MASP2: variants seen among roughly 807,000 people sequenced by gnomAD.
MASP2 encodes mannan-binding lectin serine protease 2.
In MASP2, 49 loss-of-function variants were observed where a neutral mutation model predicts 57.1. That is an observed-to-expected ratio of 0.86 (90% CI 0.68 to 1.09). The LOEUF is 1.09. Ranked by LOEUF, MASP2 falls within the 50% of genes least tolerant of loss-of-function variation. The probability of loss-of-function intolerance (pLI) is 0.00; values close to 1 mark genes in which losing one functional copy is unlikely to be tolerated. For synonymous variants in MASP2, 379 were observed against 340.8 expected (o/e 1.11, Z -1.24); for missense variants, 900 against 874.8 (o/e 1.03, Z -0.36).
intron 8 of MASP2, among the ~76,000 whole-genome samples, chr1:11,031,437 G>A (rs1643843540): frequency 6.7e-6 from 1 of 149,512 alleles, no homozygotes; most frequent in African/African-American, 2.5e-5. Context: ...GCTGAGGCAG[G>A]AGAATGGCAT....
intron 5 of MASP2, 109 bp from the exon 6 acceptor site, chr1:11,043,131 C>T: frequency 7.9e-7 from 1 of 1,271,540 alleles, no homozygotes; most frequent in South Asian, 1.4e-5. Context: ...TGAGGCCAAC[C>T]CAGGCCATGG....
chr1:11,043,101 A>G (rs975375048), intron 5 of MASP2, 79 bp from the exon 6 acceptor site: 6 of 1,500,736 alleles, frequency 4.0e-6, no homozygotes, highest in African/African-American at 2.8e-5. Context: ...CCACCTCCTC[A>G]GCATTTCAGG....
At position 11,027,524 on chromosome 1, in the gene MASP2, A is replaced by C. The variant is rs200629024; in HGVS notation, c.1422T>G (p.Tyr474Ter). Residue 474 changes from tyrosine (Y) to a stop codon, truncating the protein, a stop_gained, in exon 11 of 11, where the codon TAT becomes TAG. Coordinates refer to ENST00000400897, the MANE Select transcript of MASP2 (RefSeq NM_006610.4). LOFTEE classifies it low-confidence loss of function (END_TRUNC). Reference sequence around the variant, plus strand: ...GAGCAGCTGTTAGGACCCAGTTGTCATATAAAAGTGCACCTGCTGCTGTGG... The same window carrying C: ...GAGCAGCTGTTAGGACCCAGTTGTCCTATAAAAGTGCACCTGCTGCTGTGG... The part of the protein sequence containing the change: ...GGTTAAGALL[Y>*]DNWVLTAAHA... 1.9e-6 allele frequency: 3 copies of C among 1,614,182 alleles called. No individual in the cohort carries two copies. Among genetic ancestry groups the C allele is most frequent in the South Asian group, 2.2e-5 (2 of 91,082 alleles).
rs1638412788 is a variant in MASP2, at chr1:11,041,092, TAGAA to T, written c.889+1779_889+1782del. 3.9e-5 allele frequency among the ~76,000 whole-genome samples: 5 copies of T among 129,712 alleles called. No homozygotes were observed. The South Asian group carries it at 7.7e-4, about 20-fold the overall frequency. The allele number at this position is 129,712 out of a possible 152,430, so 85.1% of individuals were successfully genotyped here. ...AAGGATGGGTGGGTAGGTGGATGGA[TAGAA>T]GGATGGATAGATGGATGGATGGATG... On this transcript the variant is annotated intron_variant, in intron 6 of 10. Transcript: ENST00000400897.
intron 6 of MASP2, among the ~76,000 whole-genome samples, chr1:11,041,324 G>A (rs1279626473): frequency 6.6e-6 from 1 of 150,660 alleles, no homozygotes; most frequent in Non-Finnish European, 1.5e-5. Context: ...TGGAAGGATG[G>A]GTAGGTAGAA....
intron 9 of MASP2, 112 bp from the exon 10 acceptor site, chr1:11,030,362 G>A: frequency 5.6e-6 from 4 of 714,226 alleles, no homozygotes; most frequent in South Asian, 3.4e-5. Context: ...GGGACATAGA[G>A]GTGTCTGAAG....
intron 10 of MASP2, 167 bp downstream of exon 10, chr1:11,030,009 A>T (rs1430826622): frequency 3.6e-6 from 2 of 560,718 alleles, no homozygotes; most frequent in Non-Finnish European, 6.3e-6. Context: ...CAACCTCTGT[A>T]TATGGGAAGG....
At chr1:11,045,314 G>A (rs748618638) in intron 4 of MASP2, 94 bp downstream of exon 4, 5 of 1,582,284 alleles carry the variant, frequency 3.2e-6, no homozygotes, top group Non-Finnish European at 4.3e-6. Context: ...CCAGGGCCCA[G>A]GCCCTCCGCA....
At chr1:11,030,692 C>T in intron 9 of MASP2, 56 bp downstream of exon 9, 1 of 1,529,044 alleles carries the variant, frequency 6.5e-7, no homozygotes, top group Non-Finnish European at 8.8e-7. Context: ...ATTTTCAGAC[C>T]ATGGGGGCTC....
intron 10 of MASP2, among the ~76,000 whole-genome samples, chr1:11,029,467 A>G (rs1440217035): frequency 6.6e-6 from 1 of 151,816 alleles, no homozygotes; most frequent in Non-Finnish European, 1.5e-5. Context: ...AAAAAAAAGT[A>G]CTATTAAAAG....
chr1:11,043,482 C>T lies in MASP2; in HGVS notation c.598G>A (p.Glu200Lys), dbSNP rs1459794149. 2 of 1,608,982 alleles carry T rather than the reference C, an allele frequency of 1.2e-6. No homozygotes were observed. Among genetic ancestry groups the T allele is most frequent in the Non-Finnish European group, 1.7e-6 (2 of 1,178,386 alleles). The change falls in exon 5 of 11, where the codon GAA becomes AAA. Residue 200 changes from glutamate (E) to lysine (K), a missense_variant. Glu to Lys is a moderately conservative substitution (Grantham distance 56, BLOSUM62 1). Transcript: ENST00000400897. ...AGTTTGGGATACGGCCGTGGGTATT[C>T]AGGGCTGCTGAGCTCCCCAGACCTC... ...TQRSGELSSP[E>K]YPRPYPKLSS...
rs1315766973 is a variant in MASP2, at chr1:11,042,881, T to C, written c.883A>G (p.Ser295Gly). The C allele has an allele frequency of 1.2e-6, 2 of 1,613,902 alleles. No homozygotes were observed. The highest frequency in any genetic ancestry group is 1.3e-5 in the African/African-American group (1 of 75,048). ...CTGAGACCCACTTGCTCACCTGTGC[T>C]CGTGTAGTGGATCTTCCAGCCTGTG... ...DHTGWKIHYT[S>G]TAQPCPYPMA... Residue 295 changes from serine to glycine, a missense_variant, in exon 6 of 11, where the codon AGC becomes GGC. By Grantham distance (56) the Ser-to-Gly change is moderately conservative. Coordinates refer to ENST00000400897, the MANE Select transcript of MASP2 (RefSeq NM_006610.4).
chr1:11,030,106 C>G, intron 10 of MASP2, 70 bp downstream of exon 10: 2 of 1,122,972 alleles, frequency 1.8e-6, no homozygotes, highest in Non-Finnish European at 2.7e-6. Flanking sequence ...AGCTAAAGCT[C>G]TCCTCACTGT....
intron 6 of MASP2, among the ~76,000 whole-genome samples, chr1:11,041,374 A>AGATAGATG (rs1638426998): frequency 9.3e-6 from 1 of 107,474 alleles, no homozygotes; most frequent in East Asian, 3.4e-4. Context: ...AAGAATTGGC[A>AGATAGATG]GATGGATGGA....
chr1:11,044,698 CCA>C (rs1276159786), intron 4 of MASP2: 1 of 1,151,170 alleles, frequency 8.7e-7, no homozygotes, highest in Non-Finnish European at 1.2e-6. Flanking sequence ...GAGGAGGCTC[CCA>C]CAGACCTGGG....
At chr1:11,028,393 G>A (rs1305239607) in intron 10 of MASP2, among the ~76,000 whole-genome samples, 3 of 152,112 alleles carry the variant, frequency 2.0e-5, no homozygotes, top group Admixed American at 6.6e-5. Flanking sequence ...GTCAGTATCA[G>A]GATTTGCAAA....
intron 4 of MASP2, 51 bp downstream of exon 4, chr1:11,045,357 C>A (rs1341606621): frequency 3.1e-6 from 5 of 1,609,962 alleles, no homozygotes; most frequent in Non-Finnish European, 3.4e-6. Flanking sequence ...CCCTGAGGAG[C>A]CCCGGGTATC....
intron 9 of MASP2, 115 bp downstream of exon 9, chr1:11,030,633 G>T: frequency 8.6e-7 from 1 of 1,167,034 alleles, no homozygotes; most frequent in Non-Finnish European, 1.2e-6. Flanking sequence ...TGGGAGAAGT[G>T]GCTTTTAATC....
chr1:11,030,781 C>T lies in MASP2; in HGVS notation c.1189G>A (p.Glu397Lys). 1 of 1,613,304 alleles carries T rather than the reference C, an allele frequency of 6.2e-7. No homozygotes were observed. Among genetic ancestry groups the T allele is most frequent in the South Asian group, 1.1e-5 (1 of 90,890 alleles). ...TYKAVIQYSCEETFYTMKVND... is the reference protein window; with the variant it reads ...TYKAVIQYSCKETFYTMKVND... ...ACTTTCATTGTGTAGAAGGTCTCTTCACAGCTGTACTGAATCACAGCTTTG... is the reference window on the plus strand; with the variant it reads ...ACTTTCATTGTGTAGAAGGTCTCTTTACAGCTGTACTGAATCACAGCTTTG... The change falls in exon 9 of 11, where the codon GAA (glutamate) becomes AAA (lysine). Residue 397 changes from glutamate to lysine, a missense_variant. Physicochemically the swap from Glu to Lys is moderately conservative, Grantham distance 56. Transcript: ENST00000400897.
Sources: allele counts gnomAD v4.1 joint callset (sites outside exome capture counted in the v4.1 genomes callset), GRCh38; gene constraint gnomAD v4.1.1; transcripts MANE v1.5; gene names NCBI Gene and HGNC (gene_info 2026-07-23, HGNC 2026-07-21).